The following TMEM132D variants were observed in gnomAD, a reference collection of about 807,000 sequenced individuals.
TMEM132D encodes transmembrane protein 132D.
TMEM132D carries 21 observed loss-of-function variants against 62.3 expected under a neutral mutation model. The ratio of observed to expected loss-of-function variants is 0.34; its 90% CI spans 0.24 to 0.49. TMEM132D has a LOEUF of 0.49. Among genes scored for constraint, TMEM132D ranks in the 20% least tolerant of loss-of-function variants. The pLI is 0.99. For missense variants in TMEM132D, 1,346 were observed against 1,402.8 expected (o/e 0.96, Z 0.65); for synonymous variants, 621 against 575.6 (o/e 1.08, Z -1.13).
intron 4 of TMEM132D, among the ~76,000 whole-genome samples, chr12:129,300,012 G>A (rs141294075): frequency 1.2e-4 from 18 of 152,256 alleles, no homozygotes; most frequent in Non-Finnish European, 1.9e-4. Flanking sequence ...TTTTAAAGGC[G>A]AAAAAGTGAA....
chr12:129,450,444 C>T (rs1873238945), intron 3 of TMEM132D, among the ~76,000 whole-genome samples: 2 of 152,118 alleles, frequency 1.3e-5, no homozygotes, highest in Non-Finnish European at 1.5e-5. Flanking sequence ...ACTTGCACCC[C>T]TGAACTTAAA....
intron 3 of TMEM132D, among the ~76,000 whole-genome samples, chr12:129,518,597 G>T (rs1313404655): frequency 6.6e-6 from 1 of 150,552 alleles, no homozygotes; most frequent in Non-Finnish European, 1.5e-5. Flanking sequence ...ATAAAAATAT[G>T]CACATATAAC....
intron 5 of TMEM132D, among the ~76,000 whole-genome samples, chr12:129,191,015 G>A (rs561658830): frequency 1.3e-5 from 2 of 152,060 alleles, no homozygotes; most frequent in South Asian, 2.1e-4. Context: ...TTCCAGACCC[G>A]GCTCCAGACG....
At chr12:129,809,064 C>A (rs1019257544) in intron 1 of TMEM132D, among the ~76,000 whole-genome samples, 5 of 152,128 alleles carry the variant, frequency 3.3e-5, no homozygotes, top group Non-Finnish European at 7.3e-5. Context: ...TCCCAGCACT[C>A]TGGGAGGGCA....
At chr12:129,802,687 A>G (rs1441496484) in intron 1 of TMEM132D, among the ~76,000 whole-genome samples, 1 of 149,564 alleles carries the variant, frequency 6.7e-6, no homozygotes, top group Non-Finnish European at 1.5e-5. Flanking sequence ...CACACATAAC[A>G]ATATTAACTT....
At chr12:129,794,843 A>T (rs1338418432) in intron 1 of TMEM132D, among the ~76,000 whole-genome samples, 1 of 152,312 alleles carries the variant, frequency 6.6e-6, no homozygotes, top group East Asian at 1.9e-4. Context: ...AAAGAGAATC[A>T]TATCACTGCT....
intron 1 of TMEM132D, among the ~76,000 whole-genome samples, chr12:129,757,066 C>A (rs1237345354): frequency 1.3e-5 from 2 of 152,126 alleles, no homozygotes; most frequent in African/African-American, 4.8e-5. Flanking sequence ...AGAAAGGGAA[C>A]ATCATCTTTT....
At chr12:129,714,443 C>A (rs1868489429) in intron 1 of TMEM132D, among the ~76,000 whole-genome samples, 1 of 152,198 alleles carries the variant, frequency 6.6e-6, no homozygotes, top group Non-Finnish European at 1.5e-5. Context: ...CAGATGGACA[C>A]TGGGCCAGGG....
At chr12:129,887,555 G>A (rs1874787961) in intron 1 of TMEM132D, among the ~76,000 whole-genome samples, 4 of 151,944 alleles carry the variant, frequency 2.6e-5, no homozygotes, top group South Asian at 2.1e-4. Context: ...TGCGAAGTTC[G>A]GTTCCTACCC....
At chr12:129,894,539 A>C (rs1178194885) in intron 1 of TMEM132D, among the ~76,000 whole-genome samples, 6 of 152,210 alleles carry the variant, frequency 3.9e-5, no homozygotes. Context: ...TGGACTCCTA[A>C]GTCTCTTAAG....
intron 3 of TMEM132D, chr12:129,521,857 C>T (rs979830198): frequency 2.6e-5 from 4 of 152,080 alleles, no homozygotes. Flanking sequence ...CAGAAGAGAC[C>T]ATGGCTTGCC....
chr12:129,090,695 A>T (rs552849863), intron 5 of TMEM132D, among the ~76,000 whole-genome samples: 1 of 152,218 alleles, frequency 6.6e-6, no homozygotes, highest in African/African-American at 2.4e-5. Context: ...AAGAAAAGAA[A>T]ACGGGTTGCA....
chr12:129,445,695 G>A (rs1383441028), intron 3 of TMEM132D, among the ~76,000 whole-genome samples: 2 of 152,224 alleles, frequency 1.3e-5, no homozygotes, highest in African/African-American at 4.8e-5. Context: ...TTGGACTTCT[G>A]TCACTTCCAT....
chr12:129,528,234 A>G (rs1876109901), intron 3 of TMEM132D, among the ~76,000 whole-genome samples: 1 of 152,206 alleles, frequency 6.6e-6, no homozygotes, highest in Non-Finnish European at 1.5e-5. Context: ...CTTAAGAAAA[A>G]CACATCTCAT....
At chr12:129,420,726 ACT>A (rs1872294301) in intron 3 of TMEM132D, among the ~76,000 whole-genome samples, 1 of 152,028 alleles carries the variant, frequency 6.6e-6, no homozygotes, top group Non-Finnish European at 1.5e-5. Flanking sequence ...TTTTTGCTTC[ACT>A]CTGAAATCTG....
intron 2 of TMEM132D, among the ~76,000 whole-genome samples, chr12:129,556,380 A>G (rs1877057983): frequency 6.6e-6 from 1 of 152,260 alleles, no homozygotes; most frequent in Non-Finnish European, 1.5e-5. Context: ...ACTCTGCTCC[A>G]TGGGTCCAAG....
chr12:129,838,702 T>C (rs1263961286), intron 1 of TMEM132D, among the ~76,000 whole-genome samples: 1 of 152,164 alleles, frequency 6.6e-6, no homozygotes, highest in Non-Finnish European at 1.5e-5. Flanking sequence ...AGGATATGAA[T>C]AGGAAAGAGT....
At chr12:129,237,981 C>T (rs1011076737) in intron 4 of TMEM132D, among the ~76,000 whole-genome samples, 3 of 152,192 alleles carry the variant, frequency 2.0e-5, no homozygotes, top group Non-Finnish European at 4.4e-5. Context: ...GATTGCTAGG[C>T]TCTCACTTTT....
At chr12:129,823,701 T>G (rs1031018306) in intron 1 of TMEM132D, among the ~76,000 whole-genome samples, 1 of 152,014 alleles carries the variant, frequency 6.6e-6, no homozygotes, top group Non-Finnish European at 1.5e-5. Context: ...AGGAAGGAGG[T>G]AGAGGTGGAA....
Sources: gnomAD v4.1 joint callset for allele counts (sites outside exome capture counted in the v4.1 genomes callset) on GRCh38, gnomAD v4.1.1 for gene constraint, MANE v1.5 for transcripts, NCBI Gene and HGNC (gene_info 2026-07-23, HGNC 2026-07-21) for gene names.